The following LUZP2 variants were observed in gnomAD, a reference collection of about 807,000 sequenced individuals.
LUZP2 encodes leucine zipper protein 2.
In LUZP2, 52 loss-of-function variants were observed where a neutral mutation model predicts 51.6. The observed-to-expected ratio is 1.01, with a 90% CI of 0.81 to 1.27. The LOEUF (loss-of-function observed/expected upper bound fraction) is 1.27. Ranked by LOEUF, LUZP2 falls within the 50% of genes most tolerant of loss-of-function variation. The pLI is 0.00. For synonymous variants in LUZP2, 154 were observed against 137.3 expected (o/e 1.12, Z -0.85); for missense variants, 436 against 395.4 (o/e 1.10, Z -0.87).
intron 7 of LUZP2, among the ~76,000 whole-genome samples, chr11:24,962,074 C>G (rs1855426206): frequency 6.6e-6 from 1 of 151,808 alleles, no homozygotes; most frequent in Non-Finnish European, 1.5e-5. Flanking sequence ...TGAATATTGG[C>G]CCCCACTCTC....
At chr11:24,858,486 C>A (rs1180096844) in intron 5 of LUZP2, among the ~76,000 whole-genome samples, 1 of 152,096 alleles carries the variant, frequency 6.6e-6, no homozygotes, top group East Asian at 1.9e-4. Flanking sequence ...CAGCTGCTAA[C>A]ATCACACCTA....
At chr11:24,861,169 A>G (rs1029489202) in intron 5 of LUZP2, among the ~76,000 whole-genome samples, 1 of 152,210 alleles carries the variant, frequency 6.6e-6, no homozygotes, top group Non-Finnish European at 1.5e-5. Context: ...ACAAGTATCA[A>G]CAGACAAATC....
At chr11:25,074,876 A>G (rs1859256093) in intron 10 of LUZP2, among the ~76,000 whole-genome samples, 1 of 152,148 alleles carries the variant, frequency 6.6e-6, no homozygotes, top group Non-Finnish European at 1.5e-5. Context: ...AAGATTTCTG[A>G]GAAGAACTAC....
At chr11:25,040,553 A>G (rs1013602252) in intron 9 of LUZP2, among the ~76,000 whole-genome samples, 6 of 152,108 alleles carry the variant, frequency 3.9e-5, no homozygotes, top group African/African-American at 1.4e-4. Flanking sequence ...TTAGCTGTAT[A>G]ATCCAAACGC....
intron 1 of LUZP2, among the ~76,000 whole-genome samples, chr11:24,564,455 A>G (rs1176187008): frequency 6.6e-6 from 1 of 152,160 alleles, no homozygotes; most frequent in African/African-American, 2.4e-5. Context: ...AACTATTAAG[A>G]TAATGCAAAA....
intron 9 of LUZP2, among the ~76,000 whole-genome samples, chr11:25,001,751 G>A (rs1175169880): frequency 6.6e-6 from 1 of 151,576 alleles, no homozygotes; most frequent in Non-Finnish European, 1.5e-5. Flanking sequence ...TTGACTTTCT[G>A]TCAGTCTCTT....
chr11:25,064,048 G>A lies in LUZP2; in HGVS notation c.859-13281G>A, dbSNP rs1858926459. 1.3e-5 allele frequency among the ~76,000 whole-genome samples: 2 copies of A among 151,534 alleles called. 1 individual carries two copies. Among genetic ancestry groups the A allele is most frequent in the Non-Finnish European group, 3.0e-5 (2 of 67,664 alleles). ...TTATTACTTCAACTTTATACATTTT[G>A]AACATGAAGGAAATGTAGCCTGAAT... is the stretch of plus-strand genomic sequence containing the variant. On this transcript the variant is annotated intron_variant, in intron 10 of 11. Coordinates refer to ENST00000336930, the MANE Select transcript of LUZP2 (RefSeq NM_001009909.4).
chr11:24,749,524 C>T (rs1403392685), intron 4 of LUZP2, among the ~76,000 whole-genome samples: 2 of 152,058 alleles, frequency 1.3e-5, no homozygotes, highest in South Asian at 2.1e-4. Context: ...AAGACCTACC[C>T]TCAATGTAGG....
At chr11:24,941,956 A>G (rs939111483) in intron 7 of LUZP2, among the ~76,000 whole-genome samples, 3 of 151,736 alleles carry the variant, frequency 2.0e-5, no homozygotes, top group Admixed American at 6.6e-5. Context: ...GCTTTCTTTT[A>G]CTATTGTTTT....
chr11:24,513,914 T>C (rs1434004691), intron 1 of LUZP2, among the ~76,000 whole-genome samples: 2 of 152,194 alleles, frequency 1.3e-5, no homozygotes, highest in Non-Finnish European at 2.9e-5. Context: ...AGAATGCTAA[T>C]TGGAGGACCA....
At chr11:24,535,712 G>A (rs1851156513) in intron 1 of LUZP2, among the ~76,000 whole-genome samples, 1 of 19,382 alleles carries the variant, frequency 5.2e-5, no homozygotes, top group African/African-American at 1.7e-4. Flanking sequence ...ACATCCATGA[G>A]GGTTGGAATA....
chr11:24,528,172 A>G (rs1489089656), intron 1 of LUZP2, among the ~76,000 whole-genome samples: 1 of 151,350 alleles, frequency 6.6e-6, no homozygotes, highest in Non-Finnish European at 1.5e-5. Flanking sequence ...TTTATAGTCA[A>G]AAGCAGATTT....
chr11:24,922,708 A>G (rs899561840), intron 7 of LUZP2, among the ~76,000 whole-genome samples: 2 of 152,120 alleles, frequency 1.3e-5, no homozygotes, highest in African/African-American at 2.4e-5. Flanking sequence ...CGTCAAAATA[A>G]TTATATGAGT....
At chr11:24,857,330 CAT>C (rs1491020463) in intron 5 of LUZP2, among the ~76,000 whole-genome samples, 112 of 70,394 alleles carry the variant, frequency 1.6e-3, no homozygotes, top group Non-Finnish European at 2.5e-3. Context: ...CACACACACA[CAT>C]ATATATATAA....
intron 8 of LUZP2, among the ~76,000 whole-genome samples, chr11:24,977,632 T>C (rs1244608599): frequency 1.3e-5 from 2 of 151,712 alleles, no homozygotes; most frequent in African/African-American, 4.8e-5. Context: ...TATATATGTA[T>C]ACATGTAAAC....
At chr11:24,566,184 A>G (rs1011923718) in intron 1 of LUZP2, among the ~76,000 whole-genome samples, 4 of 151,818 alleles carry the variant, frequency 2.6e-5, no homozygotes, top group Non-Finnish European at 4.4e-5. Context: ...ATGAAAAGCT[A>G]TTAGAAATAC....
chr11:24,968,324 T>C (rs552237941), intron 7 of LUZP2, among the ~76,000 whole-genome samples: 2 of 152,268 alleles, frequency 1.3e-5, no homozygotes, highest in South Asian at 4.1e-4. Flanking sequence ...CAAAAGCAAG[T>C]AGACTATACT....
intron 1 of LUZP2, among the ~76,000 whole-genome samples, chr11:24,591,865 A>G (rs188933686): frequency 2.0e-5 from 3 of 152,338 alleles, no homozygotes; most frequent in African/African-American, 7.2e-5. Flanking sequence ...ATGCATTTCT[A>G]AGATATTCAC....
intron 1 of LUZP2, among the ~76,000 whole-genome samples, chr11:24,650,804 T>C (rs2133962280): frequency 6.6e-6 from 1 of 152,228 alleles, no homozygotes; most frequent in African/African-American, 2.4e-5. Context: ...CTTGTTTCTT[T>C]GTAAGTTGGA....
Sources: allele counts gnomAD v4.1 joint callset (sites outside exome capture counted in the v4.1 genomes callset), GRCh38; gene constraint gnomAD v4.1.1; transcripts MANE v1.5; gene names NCBI Gene and HGNC (gene_info 2026-07-23, HGNC 2026-07-21).